CLASRP: variants seen among roughly 807,000 people sequenced by gnomAD.
CLASRP encodes the protein CLK4-associating serine/arginine rich protein.
Under a neutral mutation model 99.9 loss-of-function variants are expected in CLASRP, and 52 were observed. The observed-to-expected ratio is 0.52, with a 90% confidence interval of 0.42 to 0.66. The LOEUF (loss-of-function observed/expected upper bound fraction) is 0.66, where lower values mean the gene tolerates loss of function less well. Among genes scored for constraint, CLASRP ranks in the 30% least tolerant of loss-of-function variants. The pLI, the probability that CLASRP is intolerant of heterozygous loss-of-function variation, is 0.00. For synonymous variants in CLASRP, 379 were observed against 373.0 expected, an observed-to-expected ratio of 1.02 and a Z score of -0.18; for missense variants, 848 against 999.2, an observed-to-expected ratio of 0.85 and a Z score of 2.04.
rs984327098 is a variant in CLASRP at position 45,062,149 on chromosome 19, T to C, written c.864-5T>C. Reference sequence around the variant, plus strand: ...ATTTGTCCCACCCCATTCTTTTCTCTGTAGCTATGCCCGCCGAGACAGCCC... The same window carrying C: ...ATTTGTCCCACCCCATTCTTTTCTCCGTAGCTATGCCCGCCGAGACAGCCC... On this transcript the variant is annotated splice_region_variant and splice_polypyrimidine_tract_variant and intron_variant, in intron 10 of 20. Coordinates refer to ENST00000221455, the MANE Select transcript of CLASRP (RefSeq NM_007056.3). The C allele has an allele frequency of 4.6e-6, 7 of 1,517,688 alleles. No homozygotes were observed. The highest frequency in any genetic ancestry group is 1.4e-5 in the African/African-American group (1 of 72,908). 94.0% of individuals were successfully genotyped at this position (1,517,688 alleles called of 1,614,324 possible).
intron 2 of CLASRP, among the ~76,000 whole-genome samples, chr19:45,045,862 G>A (rs1971907018): frequency 6.6e-6 from 1 of 152,112 alleles, no homozygotes; most frequent in Admixed American, 6.6e-5. Flanking sequence ...ACTGGAGTTT[G>A]GATCCAGGTG....
intron 2 of CLASRP, among the ~76,000 whole-genome samples, chr19:45,042,907 A>G (rs368903184): frequency 1.6e-4 from 24 of 152,120 alleles, no homozygotes; most frequent in African/African-American, 5.8e-4. Context: ...GTGAGCCACC[A>G]CGCCCGGCTA....
chr19:45,042,283 T>G (rs1971827052), intron 2 of CLASRP, among the ~76,000 whole-genome samples: 1 of 151,978 alleles, frequency 6.6e-6, no homozygotes, highest in African/African-American at 2.4e-5. Context: ...CAGGGTCAGT[T>G]TTGTGCTTTA....
chr19:45,050,833 C>T (rs1363514148), intron 2 of CLASRP, among the ~76,000 whole-genome samples: 1 of 151,964 alleles, frequency 6.6e-6, no homozygotes, highest in East Asian at 2.0e-4. Context: ...TCTCTTGCCT[C>T]AGCCTCCCAA....
In CLASRP at chr19:45,064,281, C is replaced by T. The variant is rs896299648; in HGVS notation, c.1121+54C>T. The T allele has an allele frequency of 9.2e-6, 14 of 1,521,694 alleles. No homozygotes were observed. The East Asian group carries it at 2.7e-4, about 29-fold the overall frequency. The allele number at this position is 1,521,694 out of a possible 1,614,324, so 94.3% of individuals were successfully genotyped here. ...CGCCCCGGTCACCATGGGGGGTACC[C>T]GGGGCAGAGGGGGGCCGCGGCTCAG... On this transcript the variant is annotated intron_variant, in intron 12 of 20. Transcript: ENST00000221455.
chr19:45,039,548 CCCG>C (rs1476537942), intron 1 of CLASRP: 1 of 152,664 alleles, frequency 6.6e-6, no homozygotes, highest in Non-Finnish European at 1.5e-5. Flanking sequence ...CTCTCCCCAC[CCCG>C]CCATCTAGAT....
At position 45,060,354 on chromosome 19, in the gene CLASRP, C is replaced by G. The variant is rs778213622; in HGVS notation, c.711-35C>G. 6.3e-7 allele frequency: 1 copy of G among 1,595,254 alleles called. No individual in the cohort carries two copies. The highest frequency in any genetic ancestry group is 1.3e-5 in the African/African-American group (1 of 74,520). ...TGTCCTCCTTACCCTGTGGCCTGCC[C>G]CATCCTCCACCCTAATTCTCACCCA... On this transcript the variant is annotated intron_variant, in intron 8 of 20. Coordinates refer to ENST00000221455, the MANE Select transcript of CLASRP (RefSeq NM_007056.3). The surrounding 1 kb of genome is among the most constrained non-coding windows in gnomAD (Gnocchi z 4.6).
chr19:45,070,758 T>A (rs752217782), intron 20 of CLASRP, 45 bp from the exon 21 acceptor site: 4 of 1,543,992 alleles, frequency 2.6e-6, no homozygotes, highest in Non-Finnish European at 3.6e-6. Context: ...GGTGTGTTGA[T>A]GTGTGTATGC....
intron 19 of CLASRP, among the ~76,000 whole-genome samples, 192 bp from the exon 20 acceptor site, chr19:45,070,345 T>C (rs1408122407): frequency 6.6e-6 from 1 of 152,102 alleles, no homozygotes; most frequent in Non-Finnish European, 1.5e-5. Context: ...ACAAGGTGAT[T>C]GCAGCAATTA....
chr19:45,068,989 CAAAA>C (rs376538298), intron 16 of CLASRP, 73 bp from the exon 17 acceptor site: 148 of 1,076,690 alleles, frequency 1.4e-4, no homozygotes, highest in Non-Finnish European at 1.6e-4. Flanking sequence ...GACTCTGTCT[CAAAA>C]AAAAAAAAAA....
chr19:45,065,201 T>C (rs1967056434), intron 13 of CLASRP, among the ~76,000 whole-genome samples: 3 of 151,786 alleles, frequency 2.0e-5, no homozygotes, highest in East Asian at 1.9e-4. Flanking sequence ...GAGACCACCC[T>C]GGGCAACATG....
chr19:45,043,194 T>TA (rs1568410340), intron 2 of CLASRP, among the ~76,000 whole-genome samples: 29 of 130,202 alleles, frequency 2.2e-4, no homozygotes, highest in Non-Finnish European at 4.0e-4. Flanking sequence ...TAAGGAATAC[T>TA]TTGTGTGTGT....
rs1186267429 is a variant in CLASRP at position 45,064,461 on chromosome 19, C to T, written c.1240C>T (p.His414Tyr). 2.6e-6 allele frequency: 4 copies of T among 1,528,358 alleles called. No homozygotes were observed. The African/African-American group carries it at 5.5e-5, about 21-fold the overall frequency. 94.7% of individuals were successfully genotyped at this position (1,528,358 alleles called of 1,614,324 possible). ...RGGGYYRSGR[H>Y]ARSRSRSWSR... The stretch of plus-strand genomic sequence containing the variant: ...TGGGGGCTACTACCGTTCCGGCCGC[C>T]ACGCCCGCTCCCGGTCCCGCTCCTG... Residue 414 changes from histidine (H) to tyrosine (Y), a missense_variant, in exon 13 of 21, where the codon CAC becomes TAC. His to Tyr is a moderately conservative substitution (Grantham distance 83). Transcript: ENST00000221455.
chr19:45,042,531 G>A (rs904615923), intron 2 of CLASRP, among the ~76,000 whole-genome samples: 1 of 150,886 alleles, frequency 6.6e-6, no homozygotes, highest in Non-Finnish European at 1.5e-5. Flanking sequence ...ATATATATGT[G>A]TGTGTATGTA....
At chr19:45,054,576 CGAGGGGGAACACCCTGTCCAAG>C (rs1262598763) in intron 5 of CLASRP, among the ~76,000 whole-genome samples, 11 of 152,220 alleles carry the variant, frequency 7.2e-5, no homozygotes, top group African/African-American at 2.4e-4. Context: ...ACAAGAATGT[CGAGGGGGAACACCCTGTCCAAG>C]GAGCTGGGAT....
chr19:45,060,149 C>T lies in CLASRP; in HGVS notation c.711-240C>T, dbSNP rs562812620. On this transcript the variant is annotated intron_variant, in intron 8 of 20. Transcript: ENST00000221455. The surrounding 1 kb of genome is among the most constrained non-coding windows in gnomAD (Gnocchi z 4.6). The stretch of plus-strand genomic sequence containing the variant: ...TTATTCCCTTGCTCATTATCTTCTC[C>T]CCTAGAATGTAAGCCCGTGCAGGTG... Among the ~76,000 whole-genome samples the T allele has an allele frequency of 5.3e-4, 80 of 152,298 alleles. No individual in the cohort carries two copies. Among genetic ancestry groups the T allele is most frequent in the African/African-American group, 1.9e-3 (77 of 41,566 alleles).
chr19:45,070,098 C>T lies in CLASRP; in HGVS notation c.1951C>T (p.Arg651Ter), dbSNP rs147349408. 1.3e-6 allele frequency: 2 copies of T among 1,573,806 alleles called. No homozygotes were observed. Among genetic ancestry groups the T allele is most frequent in the Non-Finnish European group, 1.7e-6 (2 of 1,143,296 alleles). The change falls in exon 19 of 21, where the codon CGA becomes TGA. Residue 651 changes from arginine to a stop codon, truncating the protein, a stop_gained. Transcript: ENST00000221455. LOFTEE classifies it high-confidence loss of function. ...YSRQSRSPSP[R>*]YSREYSSSRR... ...CCGGCAGAGCCGCTCACCCTCCCCC[C>T]GATACAGTGAGTGTCCCCACCAGGC...
chr19:45,052,936 A>G (rs772037218), intron 4 of CLASRP, 44 bp downstream of exon 4: 5 of 1,557,436 alleles, frequency 3.2e-6, no homozygotes, highest in Non-Finnish European at 4.4e-6. Flanking sequence ...CGTCATACCC[A>G]GGAGCCCCTG....
rs114249301 is a variant in CLASRP at position 45,054,243 on chromosome 19, C to T, written c.379+1066C>T. 7.6e-3 allele frequency among the ~76,000 whole-genome samples: 1,154 copies of T among 152,122 alleles called. 13 individuals are homozygous for T. Among genetic ancestry groups the T allele is most frequent in the African/African-American group, 0.026 (1,093 of 41,464 alleles). ...ACCTAGCAAGGTAGGGGTGACACCCCGTTTTGGGGTTTTTTGTTTTTTTTG... is the reference window on the plus strand; with the variant it reads ...ACCTAGCAAGGTAGGGGTGACACCCTGTTTTGGGGTTTTTTGTTTTTTTTG... On this transcript the variant is annotated intron_variant, in intron 5 of 20. Transcript: ENST00000221455.
Sources: allele counts gnomAD v4.1 joint callset (sites outside exome capture counted in the v4.1 genomes callset), GRCh38; gene constraint gnomAD v4.1.1; non-coding constraint Gnocchi (gnomAD v3.1); transcripts MANE v1.5; gene names NCBI Gene and HGNC (gene_info 2026-07-23, HGNC 2026-07-21).